CNTN5: variants seen among roughly 807,000 people sequenced by gnomAD.
The protein encoded by CNTN5 is contactin 5, also known as contactin-5.
CNTN5 carries 77 observed loss-of-function variants against 129.1 expected under a neutral mutation model. The observed-to-expected ratio is 0.60, with a 90% CI of 0.50 to 0.72. The LOEUF (loss-of-function observed/expected upper bound fraction) is 0.72. CNTN5 is among the 30% of genes least tolerant of loss of function. The pLI is 0.00. For missense variants in CNTN5, 1,478 were observed against 1,328.8 expected (o/e 1.11, Z -1.75); for synonymous variants, 509 against 465.6 (o/e 1.09, Z -1.20).
At chr11:99,224,546 C>T (rs956704051) in intron 1 of CNTN5, among the ~76,000 whole-genome samples, 4 of 151,734 alleles carry the variant, frequency 2.6e-5, no homozygotes, top group East Asian at 3.9e-4. Flanking sequence ...AGGTGTAGCA[C>T]GGGCGTCATT....
intron 1 of CNTN5, among the ~76,000 whole-genome samples, chr11:99,188,382 A>T (rs762217142): frequency 1.3e-5 from 2 of 151,722 alleles, no homozygotes; most frequent in Admixed American, 1.3e-4. Flanking sequence ...CAATCTCACC[A>T]TCTGTGTACG....
intron 1 of CNTN5, among the ~76,000 whole-genome samples, chr11:99,122,947 C>G (rs1278256825): frequency 6.6e-6 from 1 of 152,040 alleles, no homozygotes; most frequent in Non-Finnish European, 1.5e-5. Context: ...GTCTACCGTT[C>G]ATGGGCATTC....
chr11:99,778,219 G>GGAA (rs1945192446), intron 3 of CNTN5, among the ~76,000 whole-genome samples: 1 of 151,496 alleles, frequency 6.6e-6, no homozygotes, highest in Admixed American at 6.6e-5. Flanking sequence ...CATTCTTTAG[G>GGAA]TATGTCCTGC....
In CNTN5 at chr11:99,961,378, G is replaced by A. The variant is rs541805330; in HGVS notation, c.877+4369G>A. ...CTAAATCTATATTATTAATGAGAAT[G>A]CTGAAGGAGAGGAAGAGCATCACCA... On this transcript the variant is annotated intron_variant, in intron 8 of 24. Transcript: ENST00000524871. Among the ~76,000 whole-genome samples the A allele has an allele frequency of 3.9e-5, 6 of 152,216 alleles. No individual in the cohort carries two copies. The East Asian group carries it at 7.7e-4, about 20-fold the overall frequency.
rs181800846 is a variant in CNTN5 at position 99,827,094 on chromosome 11, T to A, written c.277+7329T>A. On this transcript the variant is annotated intron_variant, in intron 4 of 24. Coordinates refer to ENST00000524871, the MANE Select transcript of CNTN5 (RefSeq NM_014361.4). ...GCTTTTTGTTTTGTTTTGTTTTTGT[T>A]TGTTTTAATGCGAGACAGGGCTTCA... is the stretch of plus-strand genomic sequence containing the variant. Among the ~76,000 whole-genome samples the A allele has an allele frequency of 1.2e-3, 176 of 152,248 alleles. 1 individual carries two copies. Among genetic ancestry groups the A allele is most frequent in the African/African-American group, 4.0e-3 (165 of 41,554 alleles).
chr11:99,259,324 G>T (rs1862523928), intron 1 of CNTN5, among the ~76,000 whole-genome samples: 1 of 151,364 alleles, frequency 6.6e-6, no homozygotes, highest in Non-Finnish European at 1.5e-5. Context: ...ACCCATATAT[G>T]TTAGTATGTT....
chr11:100,130,255 T>C lies in CNTN5; in HGVS notation c.1580+55961T>C, dbSNP rs186815491. On this transcript the variant is annotated intron_variant, in intron 13 of 24. Transcript: ENST00000524871. ...TTTATGTTTCATTCACTTGTTTCCTTCATTCCCTCTCTTATTCATTCATTC... is the reference window on the plus strand; with the variant it reads ...TTTATGTTTCATTCACTTGTTTCCTCCATTCCCTCTCTTATTCATTCATTC... Among the ~76,000 whole-genome samples, 16 of 152,274 alleles carry C rather than the reference T, an allele frequency of 1.1e-4. No homozygotes were observed. The East Asian group carries it at 3.1e-3, about 29-fold the overall frequency.
rs1181207214 is a variant in CNTN5 at position 100,099,156 on chromosome 11, A to G, written c.1580+24862A>G. Among the ~76,000 whole-genome samples the G allele has an allele frequency of 3.3e-5, 5 of 152,112 alleles. No individual in the cohort carries two copies. In the East Asian group the frequency reaches 9.7e-4, roughly 29 times the overall value. Reference sequence around the variant, plus strand: ...AAAATTCATTTTAATTACCTTGGTTATACTTAAACATAAAAACAGTGAGGC... The same window carrying G: ...AAAATTCATTTTAATTACCTTGGTTGTACTTAAACATAAAAACAGTGAGGC... On this transcript the variant is annotated intron_variant, in intron 13 of 24. Coordinates refer to ENST00000524871, the MANE Select transcript of CNTN5 (RefSeq NM_014361.4).
intron 2 of CNTN5, among the ~76,000 whole-genome samples, chr11:99,440,060 C>G (rs948082678): frequency 6.6e-6 from 1 of 152,064 alleles, no homozygotes; most frequent in African/African-American, 2.4e-5. Flanking sequence ...TGTGGTTATA[C>G]TGAGGATTTA....
intron 7 of CNTN5, among the ~76,000 whole-genome samples, chr11:99,931,009 C>T (rs979591241): frequency 6.6e-6 from 1 of 152,058 alleles, no homozygotes; most frequent in African/African-American, 2.4e-5. Context: ...TATATACTCT[C>T]AAATTAATCA....
At chr11:100,038,374 T>A (rs1364824935) in intron 9 of CNTN5, among the ~76,000 whole-genome samples, 14 of 152,070 alleles carry the variant, frequency 9.2e-5, no homozygotes, top group Admixed American at 2.0e-4. Flanking sequence ...TGCTGAGGAG[T>A]GCTTTACTTC....
At chr11:100,111,519 CT>C (rs1945657906) in intron 13 of CNTN5, among the ~76,000 whole-genome samples, 1 of 152,196 alleles carries the variant, frequency 6.6e-6, no homozygotes, top group Non-Finnish European at 1.5e-5. Context: ...TATTCCCAAT[CT>C]CATTCTATTC....
chr11:99,760,938 GA>G (rs1011082722), intron 3 of CNTN5, among the ~76,000 whole-genome samples: 4 of 151,872 alleles, frequency 2.6e-5, no homozygotes, highest in African/African-American at 7.2e-5. Context: ...ATTTTCAAAA[GA>G]AAAAAACGTT....
At chr11:99,882,906 T>C (rs1322243950) in intron 6 of CNTN5, among the ~76,000 whole-genome samples, 1 of 152,150 alleles carries the variant, frequency 6.6e-6, no homozygotes, top group South Asian at 2.1e-4. Context: ...CTTTGTACTC[T>C]CTATCTTCAT....
intron 9 of CNTN5, among the ~76,000 whole-genome samples, chr11:100,011,875 AG>A (rs1327881197): frequency 6.6e-6 from 1 of 152,128 alleles, no homozygotes. Context: ...TGTAACTGTG[AG>A]AATGACAAAT....
At chr11:99,744,935 T>C (rs1944006630) in intron 3 of CNTN5, among the ~76,000 whole-genome samples, 1 of 152,150 alleles carries the variant, frequency 6.6e-6, no homozygotes, top group Non-Finnish European at 1.5e-5. Flanking sequence ...GGCGTTATTT[T>C]TAGCGTTCTA....
chr11:99,488,021 T>C (rs984154293), intron 2 of CNTN5, among the ~76,000 whole-genome samples: 1 of 152,154 alleles, frequency 6.6e-6, no homozygotes, highest in Non-Finnish European at 1.5e-5. Flanking sequence ...ATAAAGATAT[T>C]TTGCATTAGC....
intron 3 of CNTN5, among the ~76,000 whole-genome samples, chr11:99,809,392 T>C (rs1460240110): frequency 1.3e-5 from 2 of 152,178 alleles, no homozygotes; most frequent in African/African-American, 4.8e-5. Context: ...AGATTGTATG[T>C]TTTATTATAC....
intron 1 of CNTN5, among the ~76,000 whole-genome samples, chr11:99,059,731 A>G (rs543712987): frequency 1.7e-3 from 260 of 152,128 alleles, no homozygotes; most frequent in Non-Finnish European, 2.7e-3. Context: ...ATCTTCTCTC[A>G]TTAGTAATAA....
Sources: gnomAD v4.1 joint callset for allele counts (sites outside exome capture counted in the v4.1 genomes callset) on GRCh38, gnomAD v4.1.1 for gene constraint, MANE v1.5 for transcripts, NCBI Gene and HGNC (gene_info 2026-07-23, HGNC 2026-07-21) for gene names.